Variants in ZNF469 observed in about 807,000 individuals in gnomAD.
ZNF469 encodes the protein zinc finger protein 469.
A neutral mutation model predicts 1.0 loss-of-function variants in ZNF469; 1 was observed. The observed-to-expected ratio is 1.00, with a 90% CI of 0.35 to 4.73. ZNF469 has a LOEUF of 4.73. Among genes scored for constraint, ZNF469 ranks in the 30% most tolerant of loss-of-function variants. The pLI is 0.16. For missense variants in ZNF469, 6,100 were observed against 5,356.3 expected, an observed-to-expected ratio of 1.14 and a Z score of -4.33; for synonymous variants, 2,703 against 2,363.4, an observed-to-expected ratio of 1.14 and a Z score of -4.17.
At chr16:88,175,518 C>G in the ZNF469 span, among the ~76,000 whole-genome samples, 1 of 152,194 alleles carries the variant, frequency 6.6e-6, no homozygotes, top group Non-Finnish European at 1.5e-5. Flanking sequence ...ATTAATTTAA[C>G]TAGTTATCAG....
At chr16:88,411,502 G>A (rs545604953) in intron 1 of ZNF469, among the ~76,000 whole-genome samples, 1,952 of 148,844 alleles carry the variant, frequency 0.013, 49 homozygotes, top group African/African-American at 0.045. Context: ...GCGGGCAGGG[G>A]TGCAAGCAGG....
the ZNF469 span, among the ~76,000 whole-genome samples, chr16:88,303,747 C>T: frequency 6.6e-6 from 1 of 152,190 alleles, no homozygotes; most frequent in African/African-American, 2.4e-5. Flanking sequence ...TGTTTGACTC[C>T]CCCTGAAATC....
At chr16:88,380,499 ACTCACACAGACATG>A (rs2092519029), upstream of ZNF469, among the ~76,000 whole-genome samples, 2 of 114,476 alleles carry the variant, frequency 1.7e-5, no homozygotes, top group Admixed American at 8.2e-5. Context: ...ACACACATGC[ACTCACACAGACATG>A]CACACACACG....
At chr16:88,162,094 A>C in the ZNF469 span, among the ~76,000 whole-genome samples, 1 of 152,228 alleles carries the variant, frequency 6.6e-6, no homozygotes, top group East Asian at 1.9e-4. Flanking sequence ...AAAAGATGGT[A>C]CGTACACAAA....
the ZNF469 span, among the ~76,000 whole-genome samples, chr16:88,134,579 A>G: frequency 2.0e-5 from 3 of 152,252 alleles, no homozygotes; most frequent in Non-Finnish European, 4.4e-5. Flanking sequence ...GAATTACAGA[A>G]TCAAGAATAA....
chr16:88,177,832 C>G, the ZNF469 span: 1 of 152,264 alleles, frequency 6.6e-6, no homozygotes, highest in Admixed American at 6.5e-5. This position sits in a 1 kb window ranked among gnomAD's most constrained non-coding sequence, Gnocchi z 4.8. Context: ...CTCAGCCTCC[C>G]GAGTAGCTGG....
chr16:88,330,131 C>G, the ZNF469 span, among the ~76,000 whole-genome samples: 1 of 152,364 alleles, frequency 6.6e-6, no homozygotes, highest in African/African-American at 2.4e-5. Flanking sequence ...GAGCGTTTCT[C>G]ATTTAGGGAC....
chr16:88,308,298 T>C, the ZNF469 span, among the ~76,000 whole-genome samples: 1 of 152,200 alleles, frequency 6.6e-6, no homozygotes, highest in African/African-American at 2.4e-5. Context: ...CAAGATTGTT[T>C]TGGCTATTCT....
the ZNF469 span, among the ~76,000 whole-genome samples, chr16:88,141,442 C>T: frequency 1.4e-5 from 2 of 144,010 alleles, no homozygotes; most frequent in African/African-American, 5.2e-5. Context: ...GAGGTACCCC[C>T]GTCCTGGTCC....
the ZNF469 span, among the ~76,000 whole-genome samples, chr16:88,343,306 T>C: frequency 4.7e-3 from 709 of 152,114 alleles, 9 homozygotes; most frequent in Middle Eastern, 0.041. Context: ...AGAATAAACA[T>C]CCACGAGCCC....
chr16:88,397,646 T>TTG lies in ZNF469; in HGVS notation c.-192+14392_-192+14393insTG, dbSNP rs1567500453. On this transcript the variant is annotated intron_variant, in intron 1 of 2. Transcript: ENST00000565624. ...GTGGATGGATGGATGGATGGATGGA[T>TTG]ATAAATAAGAGATAGATAGATAGAT... 1.4e-3 allele frequency among the ~76,000 whole-genome samples: 159 copies of TTG among 114,626 alleles called. 1 individual carries two copies. The highest frequency in any genetic ancestry group is 2.9e-3 in the African/African-American group (92 of 31,954). The allele number at this position is 114,626 out of a possible 152,430, so 75.2% of individuals were successfully genotyped here. A position where few individuals can be genotyped will look rare whatever the true frequency, so the allele number is the denominator to read the frequency against.
At chr16:88,112,569 A>AT in the ZNF469 span, among the ~76,000 whole-genome samples, 1 of 152,128 alleles carries the variant, frequency 6.6e-6, no homozygotes, top group African/African-American at 2.4e-5. Flanking sequence ...CCTGTTGGCC[A>AT]TTTGTGTGTC....
At chr16:88,314,230 A>C in the ZNF469 span, among the ~76,000 whole-genome samples, 3 of 116,054 alleles carry the variant, frequency 2.6e-5, no homozygotes, top group East Asian at 2.4e-4. Flanking sequence ...TCTGTAATTA[A>C]GATGATGCTG....
chr16:88,143,541 C>A, the ZNF469 span, among the ~76,000 whole-genome samples: 2 of 152,174 alleles, frequency 1.3e-5, no homozygotes, highest in African/African-American at 4.8e-5. Flanking sequence ...TCTGCTCCCC[C>A]CATGCGTGGC....
the ZNF469 span, among the ~76,000 whole-genome samples, chr16:88,196,261 A>G: frequency 2.6e-5 from 4 of 152,218 alleles, no homozygotes; most frequent in Non-Finnish European, 4.4e-5. Context: ...GGCCTGGCCC[A>G]GAACAAGACC....
chr16:88,334,463 G>C, the ZNF469 span, among the ~76,000 whole-genome samples: 1 of 152,186 alleles, frequency 6.6e-6, no homozygotes, highest in African/African-American at 2.4e-5. Flanking sequence ...CATTTCCCAA[G>C]AGCATCATGT....
At chr16:88,221,139 A>G in the ZNF469 span, among the ~76,000 whole-genome samples, 1 of 152,188 alleles carries the variant, frequency 6.6e-6, no homozygotes, top group African/African-American at 2.4e-5. Flanking sequence ...ACAGTGACCC[A>G]GGCCTGGACC....
At chr16:88,209,167 A>G in the ZNF469 span, among the ~76,000 whole-genome samples, 1 of 151,970 alleles carries the variant, frequency 6.6e-6, no homozygotes, top group Non-Finnish European at 1.5e-5. Flanking sequence ...CTACACACAC[A>G]CATCTATTCG....
At chr16:88,308,441 T>G in the ZNF469 span, among the ~76,000 whole-genome samples, 4 of 152,146 alleles carry the variant, frequency 2.6e-5, no homozygotes, top group African/African-American at 9.7e-5. Flanking sequence ...TTGGGAGATG[T>G]TTTTAAGGAC....
Sources: allele counts gnomAD v4.1 joint callset (sites outside exome capture counted in the v4.1 genomes callset), GRCh38; gene constraint gnomAD v4.1.1; non-coding constraint Gnocchi (gnomAD v3.1); transcripts MANE v1.5; gene names NCBI Gene and HGNC (gene_info 2026-07-23, HGNC 2026-07-21).